Variants in ZNF736 observed in about 807,000 individuals in gnomAD.
ZNF736 encodes the protein KRAB-containing zinc-finger repressor protein.
ZNF736 carries 6 observed loss-of-function variants against 11.7 expected under a neutral mutation model. That is an observed-to-expected ratio of 0.51 (90% CI 0.28 to 1.01). The LOEUF is 1.01. Among genes scored for constraint, ZNF736 ranks in the 50% least tolerant of loss-of-function variants. The pLI, the probability that ZNF736 is intolerant of heterozygous loss-of-function variation, is 0.09. For missense variants in ZNF736, 444 were observed against 496.0 expected (o/e 0.90, Z 1.00); for synonymous variants, 139 against 164.7 (o/e 0.84, Z 1.19).
chr7:64,324,677 C>T (rs1318408772), intron 1 of ZNF736, among the ~76,000 whole-genome samples: 1 of 152,176 alleles, frequency 6.6e-6, no homozygotes, highest in African/African-American at 2.4e-5. Context: ...ACAACCTGCT[C>T]CATCCAGTCA....
At chr7:64,342,388 G>C (rs1317394368) in intron 3 of ZNF736, among the ~76,000 whole-genome samples, 4 of 152,062 alleles carry the variant, frequency 2.6e-5, no homozygotes, top group Non-Finnish European at 4.4e-5. Context: ...CACTTCAAAA[G>C]TATATTTTTC....
intron 1 of ZNF736, among the ~76,000 whole-genome samples, chr7:64,318,896 G>A (rs1429968746): frequency 6.6e-6 from 1 of 152,128 alleles, no homozygotes; most frequent in South Asian, 2.1e-4. Context: ...AACTCTGGGG[G>A]CTTCATGAGG....
At chr7:64,319,101 C>T (rs1406442943) in intron 1 of ZNF736, among the ~76,000 whole-genome samples, 1 of 151,588 alleles carries the variant, frequency 6.6e-6, no homozygotes, top group East Asian at 1.9e-4. Context: ...CTTTGTTTTC[C>T]AAAGAGCCAG....
intron 3 of ZNF736, among the ~76,000 whole-genome samples, chr7:64,340,260 A>G (rs144462857): frequency 0.01 from 1,591 of 152,314 alleles, 22 homozygotes; most frequent in Non-Finnish European, 0.018. Context: ...GAGTCACTGA[A>G]CTGTTTCAGA....
At position 64,336,991 on chromosome 7, in the gene ZNF736, G is replaced by C. The variant is rs543789672; in HGVS notation, c.226+9G>C. 2 of 1,594,328 alleles carry C rather than the reference G, an allele frequency of 1.3e-6. No individual in the cohort carries two copies. Among genetic ancestry groups the C allele is most frequent in the South Asian group, 2.2e-5 (2 of 89,230 alleles). ...AGTAGCCAAACACCCAGGTAGGTGG[G>C]AGTGAATGAAGCAGATGACACAAAT... On this transcript the variant is annotated intron_variant, in intron 3 of 3. Coordinates refer to ENST00000423484, the MANE Select transcript of ZNF736 (RefSeq NM_001170905.3).
Position 64,348,954 on chromosome 7 carries a change from T to C in ZNF736, c.1091T>C (p.Met364Thr), listed in dbSNP as rs779362190. 10 of 1,593,076 alleles carry C rather than the reference T, an allele frequency of 6.3e-6. No individual in the cohort carries two copies. The African/African-American group carries it at 8.1e-5, about 13-fold the overall frequency. ...STLFNHKRIH[M>T]EERPYKCEEC... Reference sequence around the variant, plus strand: ...CTTTTTAACCACAAGAGAATTCATATGGAAGAGAGACCTTACAAATGTGAA... The same window carrying C: ...CTTTTTAACCACAAGAGAATTCATACGGAAGAGAGACCTTACAAATGTGAA... The change falls in exon 4 of 4, where the codon ATG becomes ACG. Residue 364 changes from methionine to threonine, a missense_variant. Coordinates refer to ENST00000423484, the MANE Select transcript of ZNF736 (RefSeq NM_001170905.3).
At position 64,350,474 on chromosome 7, in the gene ZNF736, A is replaced by G. The variant is rs1034921812; in HGVS notation, c.*1327A>G. 14 of 152,052 alleles carry G rather than the reference A, an allele frequency of 9.2e-5. No individual in the cohort carries two copies. The highest frequency in any genetic ancestry group is 1.3e-4 in the Admixed American group (2 of 15,276). The allele number at this position is 152,052 out of a possible 1,614,324, so 9.4% of individuals were successfully genotyped here. On this transcript the variant is annotated 3_prime_UTR_variant, in exon 4 of 4. Coordinates refer to ENST00000423484, the MANE Select transcript of ZNF736 (RefSeq NM_001170905.3). ...CCTGCAATTTTTTTTCCTCCCTTGC[A>G]TTGGGTTGCAAATTACTTTTGTAAC...
intron 3 of ZNF736, among the ~76,000 whole-genome samples, chr7:64,339,279 G>A (rs541068833): frequency 4.9e-4 from 75 of 152,152 alleles, no homozygotes; most frequent in African/African-American, 1.6e-3. Flanking sequence ...TTCTACAGAA[G>A]TGTTTTAGTT....
At chr7:64,326,692 T>C (rs758717076) in intron 1 of ZNF736, among the ~76,000 whole-genome samples, 1 of 152,112 alleles carries the variant, frequency 6.6e-6, no homozygotes, top group Admixed American at 6.5e-5. Context: ...AGGCACTTAC[T>C]GCTATAAACC....
At chr7:64,346,951 C>T (rs1426798531) in intron 3 of ZNF736, among the ~76,000 whole-genome samples, 1 of 151,000 alleles carries the variant, frequency 6.6e-6, no homozygotes, top group Non-Finnish European at 1.5e-5. Context: ...CAAATTGTCT[C>T]ACATAATTTT....
intron 3 of ZNF736, among the ~76,000 whole-genome samples, chr7:64,343,717 C>T (rs1217073312): frequency 6.6e-6 from 1 of 151,996 alleles, no homozygotes; most frequent in Non-Finnish European, 1.5e-5. Context: ...TTTTGTTCCA[C>T]CATTTTATAT....
chr7:64,337,203 T>TTG (rs11282384), intron 3 of ZNF736: 2 of 524,854 alleles, frequency 3.8e-6, no homozygotes, highest in Non-Finnish European at 6.7e-6. Flanking sequence ...TGTGTGTGTG[T>TTG]TGTGTGTGTG....
chr7:64,333,649 A>T (rs1244006743), intron 1 of ZNF736, among the ~76,000 whole-genome samples: 3 of 103,780 alleles, frequency 2.9e-5, no homozygotes, highest in African/African-American at 1.5e-4. Context: ...GTAAAAGAGG[A>T]CACAAATGGA....
Position 64,330,463 on chromosome 7 carries a change from T to C in ZNF736, c.4-5796T>C, listed in dbSNP as rs537846643. On this transcript the variant is annotated intron_variant, in intron 1 of 3. Coordinates refer to ENST00000423484, the MANE Select transcript of ZNF736 (RefSeq NM_001170905.3). ...TGAGCCACCGTGCCCGGCTGGGAAG[T>C]GGGTTTTTTTTCTGACCTAGGGTGG... 8.6e-5 allele frequency among the ~76,000 whole-genome samples: 13 copies of C among 151,818 alleles called. No homozygotes were observed. In the South Asian group the frequency reaches 2.7e-3, roughly 32 times the overall value.
chr7:64,319,488 C>CTTTTTTTTTTTTTTTTTTTTTTT lies in ZNF736; in HGVS notation c.3+5335_3+5336insTTTTTTTTTTTTTTTTTTTTTTT, dbSNP rs1408764142. On this transcript the variant is annotated intron_variant, in intron 1 of 3. Coordinates refer to ENST00000423484, the MANE Select transcript of ZNF736 (RefSeq NM_001170905.3). ...CCAGGTAAATAGAAAACATTTCTTC[C>CTTTTTTTTTTTTTTTTTTTTTTT]CTTTTTTTTTTTTTTTTTTTTTTTT... Among the ~76,000 whole-genome samples the CTTTTTTTTTTTTTTTTTTTTTTT allele has an allele frequency of 2.5e-4, 19 of 75,248 alleles. 8 individuals carry two copies. The highest frequency in any genetic ancestry group is 5.5e-4 in the African/African-American group (10 of 18,344). The allele number at this position is 75,248 out of a possible 152,430, so 49.4% of individuals were successfully genotyped here.
In ZNF736 at chr7:64,355,969, G is replaced by A; in HGVS notation, c.*6822G>A. 1 of 187,144 alleles carries A rather than the reference G, an allele frequency of 5.3e-6. No homozygotes were observed. The highest frequency in any genetic ancestry group is 1.2e-5 in the Non-Finnish European group (1 of 84,282). The allele number at this position is 187,144 out of a possible 1,614,324, so 11.6% of individuals were successfully genotyped here. ...TTTGGGGGCAATTGGATGATATATA[G>A]AGTGGTTATGCTGCATCAGGTCCTA... On this transcript the variant is annotated 3_prime_UTR_variant, in exon 4 of 4. Coordinates refer to ENST00000423484, the MANE Select transcript of ZNF736 (RefSeq NM_001170905.3).
At chr7:64,325,640 A>G (rs1265698385) in intron 1 of ZNF736, among the ~76,000 whole-genome samples, 1 of 152,322 alleles carries the variant, frequency 6.6e-6, no homozygotes, top group Middle Eastern at 3.4e-3. Flanking sequence ...ATGAAACTTG[A>G]AGATAAAAAA....
At chr7:64,335,307 A>G (rs1229049444) in intron 1 of ZNF736, among the ~76,000 whole-genome samples, 4 of 152,066 alleles carry the variant, frequency 2.6e-5, no homozygotes, top group Non-Finnish European at 5.9e-5. Flanking sequence ...TAAAAAAAAA[A>G]AAGTTTAGCC....
chr7:64,348,811 T>C lies in ZNF736; in HGVS notation c.948T>C (p.Asn316=). The change falls in exon 4 of 4, where the codon AAT becomes AAC. Residue 316 remains asparagine (N), a synonymous_variant. Transcript: ENST00000423484. ...IHTGDKPYTC[N]ECGKAFKWFS... ...CTGGAGACAAACCCTACACATGTAA[T>C]GAATGTGGAAAAGCTTTTAAGTGGT... 1 of 1,581,684 alleles carries C rather than the reference T, an allele frequency of 6.3e-7. No homozygotes were observed. The highest frequency in any genetic ancestry group is 8.6e-7 in the Non-Finnish European group (1 of 1,164,978).
Sources: gnomAD v4.1 joint callset for allele counts (sites outside exome capture counted in the v4.1 genomes callset) on GRCh38, gnomAD v4.1.1 for gene constraint, MANE v1.5 for transcripts, NCBI Gene and HGNC (gene_info 2026-07-23, HGNC 2026-07-21) for gene names.